FBXL17: variants seen among roughly 807,000 people sequenced by gnomAD.
The protein encoded by FBXL17 is F-box and leucine rich repeat protein 17.
Under a neutral mutation model 66.2 loss-of-function variants are expected in FBXL17, and 22 were observed. The ratio of observed to expected loss-of-function variants is 0.33; its 90% CI spans 0.24 to 0.47. The LOEUF (loss-of-function observed/expected upper bound fraction) is 0.47. Ranked by LOEUF, FBXL17 falls within the 20% of genes least tolerant of loss-of-function variation. FBXL17 has a pLI of 1.00. For synonymous variants in FBXL17, 474 were observed against 400.5 expected (o/e 1.18, Z -2.19); for missense variants, 878 against 948.2 (o/e 0.93, Z 0.97).
chr5:107,938,619 G>T (rs1293826708), intron 7 of FBXL17, among the ~76,000 whole-genome samples: 1 of 152,052 alleles, frequency 6.6e-6, no homozygotes. Context: ...TCCTTTAATT[G>T]CTAAGAGAGA....
chr5:107,975,162 T>A (rs1192510419), intron 7 of FBXL17, among the ~76,000 whole-genome samples: 1 of 152,202 alleles, frequency 6.6e-6, no homozygotes, highest in African/African-American at 2.4e-5. Context: ...GTCATTGAGC[T>A]ATGAATTGCC....
intron 6 of FBXL17, among the ~76,000 whole-genome samples, chr5:108,030,053 A>T (rs1221830172): frequency 6.6e-6 from 1 of 152,186 alleles, no homozygotes; most frequent in Non-Finnish European, 1.5e-5. Context: ...ATACGTGTAC[A>T]TGTATGTACA....
chr5:108,149,605 T>C (rs940624524), intron 6 of FBXL17, among the ~76,000 whole-genome samples: 4 of 152,224 alleles, frequency 2.6e-5, no homozygotes, highest in Non-Finnish European at 4.4e-5. Flanking sequence ...GTGGCTTCAG[T>C]TGGGCATTAT....
chr5:108,036,454 G>A (rs1276299756), intron 6 of FBXL17, among the ~76,000 whole-genome samples: 2 of 152,078 alleles, frequency 1.3e-5, no homozygotes, highest in Non-Finnish European at 2.9e-5. Context: ...TACATTTGAT[G>A]CACTTTCTTC....
chr5:108,219,404 G>A (rs898746991), intron 5 of FBXL17, among the ~76,000 whole-genome samples: 1 of 152,132 alleles, frequency 6.6e-6, no homozygotes, highest in African/African-American at 2.4e-5. Context: ...GATGTTCACT[G>A]GCTGGATGTG....
Position 108,381,037 on chromosome 5 carries a change from C to T in FBXL17, c.655G>A (p.Gly219Ser). 3 of 1,199,800 alleles carry T rather than the reference C, an allele frequency of 2.5e-6. No homozygotes were observed. Among genetic ancestry groups the T allele is most frequent in the East Asian group, 3.4e-5 (1 of 29,232 alleles). 74.3% of individuals were successfully genotyped at this position (1,199,800 alleles called of 1,614,324 possible). Residue 219 changes from glycine to serine, a missense_variant, in exon 1 of 9, where the codon GGC becomes AGC. Gly to Ser is a moderately conservative substitution (Grantham distance 56). This residue lies in a region of FBXL17 where 605 missense variants were observed against 509.5 expected (regional missense o/e 1.19). Coordinates refer to ENST00000542267, the MANE Select transcript of FBXL17 (RefSeq NM_001163315.3). ...CCGCCGCCGCCGCCGCCGCCGCAGC[C>T]CCCGCCGCCGCAGCGGGGCTGCTTG... ...PCKQPRCGGGGCGGGGGGGGG... is the reference protein window; with the variant it reads ...PCKQPRCGGGSCGGGGGGGGG...
At chr5:107,996,670 G>T (rs1340911412) in intron 7 of FBXL17, among the ~76,000 whole-genome samples, 1 of 152,034 alleles carries the variant, frequency 6.6e-6, no homozygotes, top group Non-Finnish European at 1.5e-5. Flanking sequence ...AACTCTCAAA[G>T]AATAAAATAT....
intron 8 of FBXL17, among the ~76,000 whole-genome samples, chr5:107,868,440 G>A (rs1748346110): frequency 6.6e-6 from 1 of 152,226 alleles, no homozygotes; most frequent in Non-Finnish European, 1.5e-5. Flanking sequence ...GGAGCTGTGG[G>A]TTGCATGAGA....
At chr5:107,872,317 TATATAGA>T (rs1425813894) in intron 8 of FBXL17, among the ~76,000 whole-genome samples, 18 of 152,332 alleles carry the variant, frequency 1.2e-4, no homozygotes, top group African/African-American at 4.1e-4. Flanking sequence ...ACCCCCCAGC[TATATAGA>T]ATTCATATGA....
At chr5:108,245,715 T>C (rs558557068) in intron 4 of FBXL17, among the ~76,000 whole-genome samples, 1 of 152,328 alleles carries the variant, frequency 6.6e-6, no homozygotes, top group Non-Finnish European at 1.5e-5. Context: ...GAAGACATTT[T>C]CTTTGTCACT....
At chr5:108,232,202 T>C (rs1755373834) in intron 4 of FBXL17, among the ~76,000 whole-genome samples, 1 of 152,234 alleles carries the variant, frequency 6.6e-6, no homozygotes, top group Non-Finnish European at 1.5e-5. Context: ...TCATGTGACA[T>C]AAGATTTATT....
At chr5:108,258,326 G>C (rs375433030) in intron 4 of FBXL17, among the ~76,000 whole-genome samples, 2 of 152,110 alleles carry the variant, frequency 1.3e-5, no homozygotes, top group South Asian at 4.1e-4. Flanking sequence ...CCAGAGTTCT[G>C]AGAAAATAAA....
Position 107,944,585 on chromosome 5 carries a change from T to C in FBXL17, c.1823-63406A>G, listed in dbSNP as rs535256899. 1.8e-4 allele frequency among the ~76,000 whole-genome samples: 27 copies of C among 152,318 alleles called. No homozygotes were observed. The South Asian group carries it at 5.0e-3, about 28-fold the overall frequency. On this transcript the variant is annotated intron_variant, in intron 7 of 8. Transcript: ENST00000542267. ...GTTGTTAAGTAAGGAACAGCAGACATTGGATGTAATTTTGAAAAGATAATT... is the reference window on the plus strand; with the variant it reads ...GTTGTTAAGTAAGGAACAGCAGACACTGGATGTAATTTTGAAAAGATAATT...
intron 6 of FBXL17, among the ~76,000 whole-genome samples, chr5:108,182,407 T>C (rs1384596647): frequency 1.3e-5 from 2 of 152,182 alleles, no homozygotes; most frequent in Admixed American, 6.5e-5. Context: ...AGCTTAGTAA[T>C]ATGGCATGGC....
intron 5 of FBXL17, among the ~76,000 whole-genome samples, chr5:108,186,693 C>T (rs774549694): frequency 5.3e-5 from 8 of 151,090 alleles, no homozygotes; most frequent in Non-Finnish European, 7.4e-5. Flanking sequence ...TTCTTGAACC[C>T]GGGAGGCAGA....
Position 108,380,902 on chromosome 5 carries a change from A to G in FBXL17, c.790T>C (p.Ser264Pro). The G allele has an allele frequency of 8.1e-7, 1 of 1,233,114 alleles. No individual in the cohort carries two copies. Among genetic ancestry groups the G allele is most frequent in the Non-Finnish European group, 1.0e-6 (1 of 984,044 alleles). The allele number at this position is 1,233,114 out of a possible 1,614,324, so 76.4% of individuals were successfully genotyped here. Residue 264 changes from serine to proline, a missense_variant, in exon 1 of 9, where the codon TCT becomes CCT. Around this residue, in one of 4 missense-constraint regions of FBXL17, gnomAD observed 605 missense variants for 509.5 expected, o/e 1.19. Transcript: ENST00000542267. Reference protein sequence around the residue: ...PPQPLCPPPSSPTSEGAPTEA... With the variant: ...PPQPLCPPPSPPTSEGAPTEA... ...GTGGGGGCACCTTCGGAGGTGGGAGAAGAGGGCGGAGGGCAGAGCGGCTGC... is the reference window on the plus strand; with the variant it reads ...GTGGGGGCACCTTCGGAGGTGGGAGGAGAGGGCGGAGGGCAGAGCGGCTGC...
chr5:107,973,398 G>T (rs1248503049), intron 7 of FBXL17, among the ~76,000 whole-genome samples: 1 of 145,848 alleles, frequency 6.9e-6, no homozygotes, highest in East Asian at 2.0e-4. Context: ...ATCAGTCAGG[G>T]TTAGTGTATT....
At chr5:107,876,118 A>G (rs1748607400) in intron 8 of FBXL17, among the ~76,000 whole-genome samples, 1 of 152,246 alleles carries the variant, frequency 6.6e-6, no homozygotes, top group Non-Finnish European at 1.5e-5. Context: ...GGCCAAGAAG[A>G]AAAAACCTCC....
At chr5:108,111,234 AAG>A (rs1750021129) in intron 6 of FBXL17, among the ~76,000 whole-genome samples, 2 of 147,576 alleles carry the variant, frequency 1.4e-5, no homozygotes, top group African/African-American at 2.5e-5. Flanking sequence ...AAAAAAAAGA[AAG>A]AAAAGAAAAG....
Sources: gnomAD v4.1 joint callset for allele counts (sites outside exome capture counted in the v4.1 genomes callset) on GRCh38, gnomAD v4.1.1 for gene constraint, gnomAD v4.1.1 regional missense constraint, MANE v1.5 for transcripts, NCBI Gene and HGNC (gene_info 2026-07-23, HGNC 2026-07-21) for gene names.